Variants in EPM2A observed in about 807,000 individuals in gnomAD.
EPM2A encodes EPM2A glucan phosphatase, laforin, also known as laforin.
Under a neutral mutation model 26.5 loss-of-function variants are expected in EPM2A, and 21 were observed. That is an observed-to-expected ratio of 0.79 (90% confidence interval 0.56 to 1.14). EPM2A has a LOEUF of 1.14. Among genes scored for constraint, EPM2A ranks in the 50% most tolerant of loss-of-function variants. The probability of loss-of-function intolerance (pLI) is 0.00; values close to 1 mark genes in which losing one functional copy is unlikely to be tolerated. For synonymous variants in EPM2A, 217 were observed against 177.6 expected (o/e 1.22, Z -1.76); for missense variants, 458 against 440.8 (o/e 1.04, Z -0.35).
intron 1 of EPM2A, among the ~76,000 whole-genome samples, chr6:145,704,237 G>C (rs541115318): frequency 6.6e-6 from 1 of 152,120 alleles, no homozygotes; most frequent in African/African-American, 2.4e-5. Context: ...TTGAGAGAAA[G>C]GGAGTGCATG....
At chr6:145,491,773 T>G (rs1779758587) in intron 4 of EPM2A, 1 of 533,096 alleles carries the variant, frequency 1.9e-6, no homozygotes, top group South Asian at 1.4e-5. Flanking sequence ...ACAACTCTGC[T>G]GCTTTCCATA....
In EPM2A at chr6:145,724,755, A is replaced by G. The variant is rs186718818; in HGVS notation, c.301+10443T>C. The stretch of plus-strand genomic sequence containing the variant: ...GACAATTTAAAAAATAATGGACAGT[A>G]TTTTCAAAAAATGGTGCTGGAACAA... On this transcript the variant is annotated intron_variant, in intron 1 of 3. Transcript: ENST00000367519. Among the ~76,000 whole-genome samples, 659 of 152,160 alleles carry G rather than the reference A, an allele frequency of 4.3e-3. 5 individuals are homozygous for G. The highest frequency in any genetic ancestry group is 0.014 in the African/African-American group (571 of 41,542).
intron 2 of EPM2A, among the ~76,000 whole-genome samples, chr6:145,568,731 C>T (rs1780917261): frequency 6.6e-6 from 1 of 152,286 alleles, no homozygotes; most frequent in Non-Finnish European, 1.5e-5. Context: ...GAATGCCAAC[C>T]TGACTCTTCA....
chr6:145,733,706 T>G (rs1163649198), intron 1 of EPM2A, among the ~76,000 whole-genome samples: 3 of 152,238 alleles, frequency 2.0e-5, no homozygotes, highest in Admixed American at 6.5e-5. Flanking sequence ...TATCTTTCAA[T>G]TCTGTCATGG....
intron 4 of EPM2A, among the ~76,000 whole-genome samples, chr6:145,425,754 T>C (rs772320288): frequency 2.0e-5 from 3 of 152,222 alleles, no homozygotes; most frequent in Non-Finnish European, 4.4e-5. Flanking sequence ...TTGCTCTTTA[T>C]TGAAGACACG....
At chr6:145,625,035 C>G (rs1020620751), downstream of EPM2A, among the ~76,000 whole-genome samples, 3 of 152,114 alleles carry the variant, frequency 2.0e-5, no homozygotes, top group Non-Finnish European at 4.4e-5. Flanking sequence ...TTGTTAAACA[C>G]CAGTGACAAG....
At chr6:145,451,294 C>T (rs1202772662) in intron 4 of EPM2A, among the ~76,000 whole-genome samples, 1 of 152,084 alleles carries the variant, frequency 6.6e-6, no homozygotes, top group Non-Finnish European at 1.5e-5. Flanking sequence ...CACTATTTTT[C>T]AAATGACCAA....
At chr6:145,724,302 G>A (rs1776090231) in intron 1 of EPM2A, among the ~76,000 whole-genome samples, 1 of 152,058 alleles carries the variant, frequency 6.6e-6, no homozygotes, top group Non-Finnish European at 1.5e-5. Flanking sequence ...AAGAACAACT[G>A]AAATTTAATT....
chr6:145,557,591 T>C (rs1357167650), intron 2 of EPM2A, among the ~76,000 whole-genome samples: 4 of 152,132 alleles, frequency 2.6e-5, no homozygotes, highest in Admixed American at 1.3e-4. Context: ...TGAATTTTTA[T>C]TTATCATTTT....
At chr6:145,430,603 GA>G (rs34510907) in intron 4 of EPM2A, among the ~76,000 whole-genome samples, 109,937 of 148,008 alleles carry the variant, frequency 0.74, 41,310 homozygotes, top group East Asian at 0.91. Flanking sequence ...TCCATCTCAA[GA>G]AAAAAAAAAA....
chr6:145,581,262 G>A (rs1286425761), intron 2 of EPM2A, among the ~76,000 whole-genome samples: 1 of 152,128 alleles, frequency 6.6e-6, no homozygotes, highest in African/African-American at 2.4e-5. Context: ...TAGTGATGTG[G>A]AGGGTTTTTC....
intron 4 of EPM2A, among the ~76,000 whole-genome samples, chr6:145,496,128 C>T (rs1308186035): frequency 2.0e-5 from 3 of 152,110 alleles, no homozygotes; most frequent in African/African-American, 7.2e-5. Flanking sequence ...GAATATTAGC[C>T]TCCAATTACT....
rs1482281221 is a variant in EPM2A at position 145,561,485 on chromosome 6, C to T, written c.341-58910G>A. Among the ~76,000 whole-genome samples, 4 of 152,108 alleles carry T rather than the reference C, an allele frequency of 2.6e-5. No individual in the cohort carries two copies. The South Asian group carries it at 8.3e-4, about 32-fold the overall frequency. ...TATATTTGAATTTGAAATGGCATTT[C>T]TCATTTTGCCAACATACAGCACTGG... On this transcript the variant is annotated intron_variant, in intron 2 of 3. Transcript: ENST00000450221.
At chr6:145,615,268 C>T (rs1450359894) in intron 2 of EPM2A, among the ~76,000 whole-genome samples, 2 of 152,138 alleles carry the variant, frequency 1.3e-5, no homozygotes, top group South Asian at 4.1e-4. Context: ...CTCACAAGAT[C>T]TGATGGTTTT....
At chr6:145,646,650 T>C (rs974187382) in intron 2 of EPM2A, among the ~76,000 whole-genome samples, 1 of 152,202 alleles carries the variant, frequency 6.6e-6, no homozygotes, top group Non-Finnish European at 1.5e-5. Flanking sequence ...TTCCAAACTC[T>C]GGTCTCCCTT....
At chr6:145,666,412 A>G (rs967277908) in intron 2 of EPM2A, among the ~76,000 whole-genome samples, 4 of 96,228 alleles carry the variant, frequency 4.2e-5, no homozygotes, top group African/African-American at 2.3e-4. Flanking sequence ...TCCCATTCAC[A>G]ATTGCTTCAA....
intron 4 of EPM2A, among the ~76,000 whole-genome samples, chr6:145,480,898 G>T: frequency 6.6e-6 from 1 of 151,960 alleles, no homozygotes; most frequent in Non-Finnish European, 1.5e-5. Flanking sequence ...TGTTTATTTG[G>T]TGATCTTTAA....
intron 2 of EPM2A, among the ~76,000 whole-genome samples, chr6:145,580,118 G>A (rs1781092242): frequency 6.6e-6 from 1 of 152,140 alleles, no homozygotes; most frequent in Admixed American, 6.6e-5. Context: ...TACCCATGGA[G>A]TTATCATTTT....
intron 1 of EPM2A, among the ~76,000 whole-genome samples, chr6:145,689,855 T>C (rs970128163): frequency 1.3e-5 from 2 of 152,178 alleles, no homozygotes; most frequent in Non-Finnish European, 2.9e-5. Flanking sequence ...GGCAATATAG[T>C]GGAGTCCAAG....
Sources: allele counts gnomAD v4.1 joint callset (sites outside exome capture counted in the v4.1 genomes callset), GRCh38; gene constraint gnomAD v4.1.1; transcripts MANE v1.5; gene names NCBI Gene and HGNC (gene_info 2026-07-23, HGNC 2026-07-21).